The following RIN3 variants were observed in gnomAD, a reference collection of about 807,000 sequenced individuals.
RIN3 encodes the protein RAB5 interacting protein 3.
RIN3 carries 54 observed loss-of-function variants against 76.3 expected under a neutral mutation model. That is an observed-to-expected ratio of 0.71 (90% CI 0.57 to 0.89). RIN3 has a LOEUF of 0.89. Among genes scored for constraint, RIN3 ranks in the 40% least tolerant of loss-of-function variants. RIN3 has a pLI of 0.00. For missense variants in RIN3, 1,256 were observed against 1,322.1 expected (o/e 0.95, Z 0.78); for synonymous variants, 576 against 564.0 (o/e 1.02, Z -0.30).
At chr14:92,655,335 G>A (rs1409444753) in intron 6 of RIN3, among the ~76,000 whole-genome samples, 2 of 152,204 alleles carry the variant, frequency 1.3e-5, no homozygotes, top group South Asian at 2.1e-4. Flanking sequence ...GCAACAGAGC[G>A]AGACTCTGTC....
At position 92,642,392 on chromosome 14, in the gene RIN3, C is replaced by T. The variant is rs550037249; in HGVS notation, c.532+1063C>T. 2.8e-4 allele frequency among the ~76,000 whole-genome samples: 43 copies of T among 152,244 alleles called. 1 individual carries two copies. In the South Asian group the frequency reaches 3.5e-3, roughly 12 times the overall value. ...AATTACAGGTGTGAGCCACTGCGCC[C>T]GGCCCTGAGAATTTCTTACAGGGAA... On this transcript the variant is annotated intron_variant, in intron 5 of 9. Transcript: ENST00000216487.
Position 92,643,107 on chromosome 14 carries a change from G to T in RIN3, c.532+1778G>T, listed in dbSNP as rs953210521. 1.3e-5 allele frequency among the ~76,000 whole-genome samples: 2 copies of T among 152,020 alleles called. No individual in the cohort carries two copies. Among genetic ancestry groups the T allele is most frequent in the Non-Finnish European group, 2.9e-5 (2 of 67,994 alleles). On this transcript the variant is annotated intron_variant, in intron 5 of 9. Transcript: ENST00000216487. The surrounding 1 kb of genome is among the most constrained non-coding windows in gnomAD (Gnocchi z 4.8). Reference sequence around the variant, plus strand: ...CTCACTCTGTCACCCAGGCTGGAGTGCAGTGGTGCGATCTTGGCTCACTGC... The same window carrying T: ...CTCACTCTGTCACCCAGGCTGGAGTTCAGTGGTGCGATCTTGGCTCACTGC...
chr14:92,589,821 G>A (rs1884916752), intron 3 of RIN3, among the ~76,000 whole-genome samples: 1 of 152,214 alleles, frequency 6.6e-6, no homozygotes, highest in South Asian at 2.1e-4. Flanking sequence ...GGTCTGGCAT[G>A]TTAGAAAGTT....
intron 2 of RIN3, among the ~76,000 whole-genome samples, chr14:92,562,369 C>T (rs1595418008): frequency 6.6e-6 from 1 of 152,304 alleles, no homozygotes; most frequent in South Asian, 2.1e-4. Context: ...CTAGACTGTA[C>T]TTTTTGGAAG....
At chr14:92,550,213 A>G (rs1314608607) in intron 1 of RIN3, among the ~76,000 whole-genome samples, 2 of 152,188 alleles carry the variant, frequency 1.3e-5, no homozygotes, top group Non-Finnish European at 2.9e-5. Flanking sequence ...CAAGGTTTTA[A>G]AGTGAGAGAA....
chr14:92,578,385 G>GTTTGGGGCCCT lies in RIN3; in HGVS notation c.367+910_367+920dup, dbSNP rs200718959. ...TGTTCTGGTAGTACAATGTCACCGG[G>GTTTGGGGCCCT]TTTGGGGCCCTTGTGGACTGCTGGG... On this transcript the variant is annotated intron_variant, in intron 3 of 9. Coordinates refer to ENST00000216487, the MANE Select transcript of RIN3 (RefSeq NM_024832.5). Among the ~76,000 whole-genome samples, 858 of 152,302 alleles carry GTTTGGGGCCCT rather than the reference G, an allele frequency of 5.6e-3. 5 individuals are homozygous for GTTTGGGGCCCT. Among genetic ancestry groups the GTTTGGGGCCCT allele is most frequent in the African/African-American group, 0.02 (824 of 41,552 alleles).
At chr14:92,573,643 C>G (rs1418956379) in intron 2 of RIN3, among the ~76,000 whole-genome samples, 1 of 152,208 alleles carries the variant, frequency 6.6e-6, no homozygotes, top group Non-Finnish European at 1.5e-5. Flanking sequence ...AAAAGACACT[C>G]TCATCTCTCA....
At chr14:92,556,333 C>T (rs564495473) in intron 2 of RIN3, among the ~76,000 whole-genome samples, 42 of 148,226 alleles carry the variant, frequency 2.8e-4, no homozygotes, top group Non-Finnish European at 4.6e-4. Flanking sequence ...CAATCAGAGC[C>T]AGGGTAAAAA....
At chr14:92,519,269 GTTTTTC>G (rs1429666193) in intron 1 of RIN3, among the ~76,000 whole-genome samples, 1 of 152,212 alleles carries the variant, frequency 6.6e-6, no homozygotes, top group East Asian at 1.9e-4. Flanking sequence ...GAAGGAAATG[GTTTTTC>G]TTTTTCTTTT....
At chr14:92,570,627 A>G (rs535299821) in intron 2 of RIN3, among the ~76,000 whole-genome samples, 1 of 149,966 alleles carries the variant, frequency 6.7e-6, no homozygotes, top group African/African-American at 2.5e-5. Context: ...ACGCCATTGC[A>G]CTCCAGCCTC....
intron 3 of RIN3, among the ~76,000 whole-genome samples, 182 bp downstream of exon 3, chr14:92,577,659 A>G (rs1898294081): frequency 6.6e-6 from 1 of 152,206 alleles, no homozygotes; most frequent in African/African-American, 2.4e-5. Flanking sequence ...TTCATCATCC[A>G]AAGTCAGTGT....
At chr14:92,603,981 T>G (rs934286032) in intron 3 of RIN3, among the ~76,000 whole-genome samples, 9 of 152,218 alleles carry the variant, frequency 5.9e-5, no homozygotes, top group African/African-American at 2.2e-4. Context: ...TAGCAAACAT[T>G]CCTTTCTCCA....
At chr14:92,625,770 G>A (rs942779072) in intron 4 of RIN3, among the ~76,000 whole-genome samples, 1 of 152,218 alleles carries the variant, frequency 6.6e-6, no homozygotes, top group African/African-American at 2.4e-5. Context: ...GTCCCCTGGA[G>A]TCTCTGTTTA....
chr14:92,661,745 A>C (rs1887889639), intron 7 of RIN3, among the ~76,000 whole-genome samples: 1 of 135,174 alleles, frequency 7.4e-6, no homozygotes, highest in African/African-American at 2.7e-5. Context: ...ACACACACAC[A>C]CACACACACA....
intron 3 of RIN3, among the ~76,000 whole-genome samples, chr14:92,583,542 AT>A (rs1468383908): frequency 2.0e-5 from 3 of 152,264 alleles, no homozygotes; most frequent in Admixed American, 6.5e-5. Flanking sequence ...TCAAACATGG[AT>A]CAAAAATATT....
chr14:92,583,388 C>A (rs1195649308), intron 3 of RIN3, among the ~76,000 whole-genome samples: 1 of 152,264 alleles, frequency 6.6e-6, no homozygotes, highest in Non-Finnish European at 1.5e-5. Flanking sequence ...TTGAAACTCT[C>A]TGAAGCAGTC....
intron 3 of RIN3, among the ~76,000 whole-genome samples, chr14:92,590,918 A>G (rs866452939): frequency 1.3e-4 from 20 of 152,184 alleles, no homozygotes; most frequent in Middle Eastern, 6.3e-3. Context: ...AGTACATTAC[A>G]TTTGGCCATC....
chr14:92,596,813 ACT>A (rs1885162983), intron 3 of RIN3, among the ~76,000 whole-genome samples: 1 of 151,790 alleles, frequency 6.6e-6, no homozygotes, highest in Non-Finnish European at 1.5e-5. Context: ...TCCAGGTCTG[ACT>A]CTCCCTCGTA....
At chr14:92,575,941 C>G (rs1364106769) in intron 2 of RIN3, among the ~76,000 whole-genome samples, 2 of 152,188 alleles carry the variant, frequency 1.3e-5, no homozygotes, top group African/African-American at 4.8e-5. Flanking sequence ...GACGGACACT[C>G]AGATATCCCA....
Sources: gnomAD v4.1 joint callset for allele counts (sites outside exome capture counted in the v4.1 genomes callset) on GRCh38, gnomAD v4.1.1 for gene constraint, Gnocchi (gnomAD v3.1) non-coding constraint, MANE v1.5 for transcripts, NCBI Gene and HGNC (gene_info 2026-07-23, HGNC 2026-07-21) for gene names.